CPNE7: variants seen among roughly 807,000 people sequenced by gnomAD.
The protein encoded by CPNE7 is copine-7.
CPNE7 carries 78 observed loss-of-function variants against 66.5 expected under a neutral mutation model. The ratio of observed to expected loss-of-function variants is 1.17; its 90% CI spans 0.98 to 1.42. CPNE7 has a LOEUF of 1.42. Among genes scored for constraint, CPNE7 ranks in the 40% most tolerant of loss-of-function variants. The pLI, the probability that CPNE7 is intolerant of heterozygous loss-of-function variation, is 0.00. For missense variants in CPNE7, 1,012 were observed against 776.6 expected, an observed-to-expected ratio of 1.30 and a Z score of -3.60; for synonymous variants, 468 against 336.7, an observed-to-expected ratio of 1.39 and a Z score of -4.27.
In CPNE7 at chr16:89,584,702, C is replaced by G; in HGVS notation, c.508-72C>G. The G allele has an allele frequency of 1.7e-6, 2 of 1,182,562 alleles. No individual in the cohort carries two copies. Among genetic ancestry groups the G allele is most frequent in the Non-Finnish European group, 2.5e-6 (2 of 807,234 alleles). 73.3% of individuals were successfully genotyped at this position (1,182,562 alleles called of 1,614,324 possible). A position where few individuals can be genotyped will look rare whatever the true frequency, so the allele number is the denominator to read the frequency against. On this transcript the variant is annotated intron_variant, in intron 4 of 14. Coordinates refer to ENST00000319518, the MANE Select transcript of CPNE7 (RefSeq NM_153636.3). The surrounding 1 kb of genome is among the most constrained non-coding windows in gnomAD (Gnocchi z 6.0). ...GTGGCATGAAGTGAGCCCTGGGAAA[C>G]GACAAAGCCAGCTCCCATCCAAAGC...
intron 2 of CPNE7, among the ~76,000 whole-genome samples, chr16:89,579,537 C>T (rs1597692867): frequency 6.7e-6 from 1 of 149,918 alleles, no homozygotes; most frequent in African/African-American, 2.5e-5. Context: ...TCACTTGTCA[C>T]ATCTCACCCA....
intron 11 of CPNE7, among the ~76,000 whole-genome samples, chr16:89,590,169 C>A (rs78152365): frequency 6.6e-6 from 1 of 152,186 alleles, no homozygotes; most frequent in Non-Finnish European, 1.5e-5. Context: ...GAGGCCAACT[C>A]CGTGTTCCTT....
At position 89,595,563 on chromosome 16, in the gene CPNE7, G is replaced by C. The variant is rs573409569; in HGVS notation, c.1499G>C (p.Arg500Pro). ...LRSPRGEPAL[R>P]DIVQFVPFRE... ...TCCCCACGGGGTGAGCCCGCGCTCC[G>C]GGACATCGTACAGTTCGTGCCCTTC... The change falls in exon 14 of 15, where the codon CGG becomes CCG. Residue 500 changes from arginine to proline, a missense_variant. Physicochemically the swap from Arg to Pro is moderately radical, Grantham distance 103. Coordinates refer to ENST00000319518, the MANE Select transcript of CPNE7 (RefSeq NM_153636.3). The C allele has an allele frequency of 1.6e-5, 25 of 1,611,654 alleles. No homozygotes were observed. Among genetic ancestry groups the C allele is most frequent in the Admixed American group, 8.3e-5 (5 of 59,966 alleles).
intron 13 of CPNE7, among the ~76,000 whole-genome samples, chr16:89,593,103 C>T (rs34395984): frequency 0.042 from 6,317 of 151,974 alleles, 185 homozygotes; most frequent in Non-Finnish European, 0.068. Flanking sequence ...AGGTGTGAGC[C>T]GCCGCACCTG....
chr16:89,576,729 G>A (rs1454024523), intron 1 of CPNE7, among the ~76,000 whole-genome samples: 2 of 152,294 alleles, frequency 1.3e-5, no homozygotes, highest in African/African-American at 4.8e-5. Flanking sequence ...TCCGCGCGGG[G>A]CGCCAGCGCT....
At position 89,589,882 on chromosome 16, in the gene CPNE7, C is replaced by G; in HGVS notation, c.1062-15C>G. ...GAGGTCAGGGCCTCCTGGTGACCTCCTGCCTCTCTTCCAGTGACAAGAGGT... is the reference window on the plus strand; with the variant it reads ...GAGGTCAGGGCCTCCTGGTGACCTCGTGCCTCTCTTCCAGTGACAAGAGGT... On this transcript the variant is annotated splice_polypyrimidine_tract_variant and intron_variant, in intron 10 of 14. Transcript: ENST00000319518. The G allele has an allele frequency of 6.2e-7, 1 of 1,613,638 alleles. No individual in the cohort carries two copies. Among genetic ancestry groups the G allele is most frequent in the South Asian group, 1.1e-5 (1 of 91,068 alleles).
chr16:89,576,405 C>A (rs916095560), intron 1 of CPNE7, among the ~76,000 whole-genome samples: 1 of 150,292 alleles, frequency 6.7e-6, no homozygotes, highest in Non-Finnish European at 1.5e-5. Context: ...GCAGGGGGCT[C>A]GACCAAGAGG....
At chr16:89,594,862 G>C (rs1443866301) in intron 13 of CPNE7, among the ~76,000 whole-genome samples, 1 of 151,926 alleles carries the variant, frequency 6.6e-6, no homozygotes, top group East Asian at 1.9e-4. Context: ...ATTTTGGCCA[G>C]GCTGGTCTCG....
At chr16:89,592,609 AT>A (rs1263023497) in intron 13 of CPNE7, among the ~76,000 whole-genome samples, 2 of 145,270 alleles carry the variant, frequency 1.4e-5, no homozygotes, top group African/African-American at 2.6e-5. Context: ...CGCCCGGCTA[AT>A]TTTTTGTATT....
At chr16:89,579,152 C>T (rs1180660311) in intron 2 of CPNE7, among the ~76,000 whole-genome samples, 3 of 151,890 alleles carry the variant, frequency 2.0e-5, no homozygotes, top group Non-Finnish European at 4.4e-5. Context: ...ATTAGCCAGG[C>T]GTGGTGGTGC....
chr16:89,594,885 C>T (rs2059229202), intron 13 of CPNE7, among the ~76,000 whole-genome samples: 1 of 151,830 alleles, frequency 6.6e-6, no homozygotes, highest in African/African-American at 2.4e-5. Context: ...CTCCTGACCT[C>T]AGGTGATCCG....
At chr16:89,586,393 G>A (rs2059038538) in intron 7 of CPNE7, among the ~76,000 whole-genome samples, 1 of 150,458 alleles carries the variant, frequency 6.6e-6, no homozygotes, top group African/African-American at 2.4e-5. Flanking sequence ...GTGCAGTGGG[G>A]AGGCCACCCT....
chr16:89,586,882 G>C (rs2059049437), intron 8 of CPNE7, 126 bp downstream of exon 8: 1 of 1,127,654 alleles, frequency 8.9e-7, no homozygotes. Context: ...GAGGGGCTGA[G>C]AGACGGGGAA....
rs1430375549 is a variant in CPNE7 at position 89,575,951 on chromosome 16, G to A, written c.54G>A (p.Ala18=). Residue 18 remains alanine, a synonymous_variant, in exon 1 of 15, where the codon GCG becomes GCA. Transcript: ENST00000319518. ...GAAATPGGLP[A]PCASKVELRL... is the part of the protein sequence containing the mutation. Reference sequence around the variant, plus strand: ...CGGCAACCCCCGGGGGTTTGCCCGCGCCCTGCGCCTCGAAGGTGGAGCTGC... The same window carrying A: ...CGGCAACCCCCGGGGGTTTGCCCGCACCCTGCGCCTCGAAGGTGGAGCTGC... 70 of 1,343,076 alleles carry A rather than the reference G, an allele frequency of 5.2e-5. 2 individuals are homozygous for A. The highest frequency in any genetic ancestry group is 2.8e-4 in the Middle Eastern group (1 of 3,616). The allele number at this position is 1,343,076 out of a possible 1,614,324, so 83.2% of individuals were successfully genotyped here.
At chr16:89,595,824 A>G (rs114315329) in intron 14 of CPNE7, 7 of 675,126 alleles carry the variant, frequency 1.0e-5, no homozygotes, top group African/African-American at 3.5e-5. Flanking sequence ...TCGAATCTAC[A>G]CAAAAGCAGA....
At chr16:89,591,939 T>A (rs1473969078) in intron 13 of CPNE7, among the ~76,000 whole-genome samples, 1 of 151,674 alleles carries the variant, frequency 6.6e-6, no homozygotes, top group Non-Finnish European at 1.5e-5. Context: ...GACCTCATGA[T>A]CCACCCGCCT....
chr16:89,594,508 G>A (rs1291492020), intron 13 of CPNE7, among the ~76,000 whole-genome samples: 1 of 152,116 alleles, frequency 6.6e-6, no homozygotes, highest in African/African-American at 2.4e-5. Flanking sequence ...GGAGGCTGCT[G>A]TGGGCTCCCG....
intron 13 of CPNE7, among the ~76,000 whole-genome samples, chr16:89,593,388 C>T (rs1338268779): frequency 1.3e-5 from 2 of 150,096 alleles, no homozygotes; most frequent in Admixed American, 1.3e-4. Flanking sequence ...GAGTCTCGCT[C>T]TTCACCCAGG....
chr16:89,581,871 C>T (rs990347545), intron 2 of CPNE7, among the ~76,000 whole-genome samples: 4 of 152,206 alleles, frequency 2.6e-5, no homozygotes, highest in Non-Finnish European at 5.9e-5. Flanking sequence ...GTCTTGAACT[C>T]CCGGGCTCAC....
Sources: gnomAD v4.1 joint callset for allele counts (sites outside exome capture counted in the v4.1 genomes callset) on GRCh38, gnomAD v4.1.1 for gene constraint, Gnocchi (gnomAD v3.1) non-coding constraint, MANE v1.5 for transcripts, NCBI Gene and HGNC (gene_info 2026-07-23, HGNC 2026-07-21) for gene names.